The following CDH8 variants were observed in gnomAD, a reference collection of about 807,000 sequenced individuals.
CDH8 encodes the protein cadherin-8.
A neutral mutation model predicts 68.1 loss-of-function variants in CDH8; 17 were observed. That is an observed-to-expected ratio of 0.25 (90% confidence interval 0.17 to 0.37). CDH8 has a LOEUF of 0.37. Among genes scored for constraint, CDH8 ranks in the 10% least tolerant of loss-of-function variants. The probability of loss-of-function intolerance (pLI) is 1.00; values close to 1 mark genes in which losing one functional copy is unlikely to be tolerated. For missense variants in CDH8, 763 were observed against 999.3 expected, an observed-to-expected ratio of 0.76 and a Z score of 3.19; for synonymous variants, 372 against 365.1, an observed-to-expected ratio of 1.02 and a Z score of -0.21.
At chr16:61,992,925 A>G (rs1000869491) in intron 2 of CDH8, among the ~76,000 whole-genome samples, 1 of 152,024 alleles carries the variant, frequency 6.6e-6, no homozygotes, top group Non-Finnish European at 1.5e-5. Context: ...AGCTGGAACT[A>G]CAGGTGCAGG....
chr16:61,728,328 A>T (rs1313996557), intron 8 of CDH8, among the ~76,000 whole-genome samples: 1 of 150,706 alleles, frequency 6.6e-6, no homozygotes. Flanking sequence ...ACAGATTTAC[A>T]GTTGGTTTGC....
At chr16:61,779,374 T>C (rs887166427) in intron 8 of CDH8, among the ~76,000 whole-genome samples, 2 of 151,752 alleles carry the variant, frequency 1.3e-5, no homozygotes, top group Non-Finnish European at 2.9e-5. Context: ...CAACAATGCC[T>C]CATCTTTCTT....
chr16:61,972,574 GTGTGTGTGTGTGTGT>G (rs1965359376), intron 2 of CDH8, among the ~76,000 whole-genome samples: 1 of 107,284 alleles, frequency 9.3e-6, no homozygotes, highest in African/African-American at 6.6e-5. Context: ...CATTGTGGGT[GTGTGTGTGTGTGTGT>G]GTGTGTGTGT....
chr16:61,723,580 G>A (rs1445477724), intron 9 of CDH8, among the ~76,000 whole-genome samples: 3 of 150,690 alleles, frequency 2.0e-5, no homozygotes, highest in Non-Finnish European at 4.5e-5. Flanking sequence ...TTAATTAAAT[G>A]TTTGCCAGAG....
At chr16:61,661,664 AT>A (rs2142756195) in intron 10 of CDH8, among the ~76,000 whole-genome samples, 1 of 151,862 alleles carries the variant, frequency 6.6e-6, no homozygotes, top group South Asian at 2.1e-4. Context: ...CAATAACCTA[AT>A]TTTTCACCAT....
intron 3 of CDH8, among the ~76,000 whole-genome samples, chr16:61,897,804 A>T (rs1231291284): frequency 1.3e-5 from 2 of 152,212 alleles, no homozygotes; most frequent in Non-Finnish European, 2.9e-5. Context: ...ACCAAACAAT[A>T]TGAAAAAAAG....
rs568411693 is a variant in CDH8, at chr16:61,919,943, A to C, written c.253-18470T>G. Among the ~76,000 whole-genome samples the C allele has an allele frequency of 2.2e-4, 33 of 152,274 alleles. No individual in the cohort carries two copies. In the South Asian group the frequency reaches 4.8e-3, roughly 22 times the overall value. On this transcript the variant is annotated intron_variant, in intron 2 of 11. Coordinates refer to ENST00000577390, the MANE Select transcript of CDH8 (RefSeq NM_001796.5). ...AAACAGAACAGAGCCCTCAGAAATA[A>C]TGCCGCATATCTACAACTATCTGAT...
chr16:61,756,211 A>G (rs1169633794), intron 8 of CDH8, among the ~76,000 whole-genome samples: 2 of 152,072 alleles, frequency 1.3e-5, no homozygotes, highest in Non-Finnish European at 2.9e-5. Flanking sequence ...TATATAATAC[A>G]AGCAAGATTT....
chr16:61,950,094 ACAGT>A (rs1892942617), intron 2 of CDH8, among the ~76,000 whole-genome samples: 1 of 152,174 alleles, frequency 6.6e-6, no homozygotes, highest in Non-Finnish European at 1.5e-5. Context: ...TGAAATCAAG[ACAGT>A]CAGGGACCTA....
intron 3 of CDH8, among the ~76,000 whole-genome samples, chr16:61,899,555 G>A (rs1963930312): frequency 6.6e-6 from 1 of 151,966 alleles, no homozygotes; most frequent in Non-Finnish European, 1.5e-5. Context: ...GAGAACTAAT[G>A]GAGAAGGGTG....
At chr16:61,675,804 C>T (rs1339758617) in intron 10 of CDH8, among the ~76,000 whole-genome samples, 1 of 150,776 alleles carries the variant, frequency 6.6e-6, no homozygotes, top group Non-Finnish European at 1.5e-5. Flanking sequence ...TATTACATTG[C>T]TGTGTGAAGT....
intron 2 of CDH8, among the ~76,000 whole-genome samples, chr16:61,914,151 G>A (rs112350863): frequency 3.9e-5 from 6 of 152,250 alleles, no homozygotes; most frequent in African/African-American, 4.8e-5. Context: ...AAACCAAGGA[G>A]AGAAGTCTCG....
chr16:61,652,035 AAGT>A lies in CDH8; in HGVS notation c.*1570_*1572del. 1.2e-6 allele frequency: 1 copy of A among 867,032 alleles called. No homozygotes were observed. The highest frequency in any genetic ancestry group is 1.2e-4 in the East Asian group (1 of 8,252). The allele number at this position is 867,032 out of a possible 1,614,324, so 53.7% of individuals were successfully genotyped here. ...GGTATTTATAAAAATATATTTCACA[AAGT>A]AGGAAACAATACAGGAGTTTCTCTG... On this transcript the variant is annotated 3_prime_UTR_variant, in exon 12 of 12. Coordinates refer to ENST00000577390, the MANE Select transcript of CDH8 (RefSeq NM_001796.5).
Position 61,653,857 on chromosome 16 carries a change from A to T in CDH8, c.2151T>A (p.Asn717Lys), listed in dbSNP as rs1596832731. The T allele has an allele frequency of 6.2e-6, 10 of 1,614,186 alleles. No individual in the cohort carries two copies. Among genetic ancestry groups the T allele is most frequent in the Non-Finnish European group, 8.5e-6 (10 of 1,180,030 alleles). Residue 717 changes from asparagine (N) to lysine (K), a missense_variant, in exon 12 of 12, where the codon AAT (asparagine) becomes AAA (lysine). This residue lies in a region of CDH8 where 397 missense variants were observed against 436.2 expected (regional missense o/e 0.91). Coordinates refer to ENST00000577390, the MANE Select transcript of CDH8 (RefSeq NM_001796.5). ...MPRQGLAPVP[N>K]GVDVDEFINV... ...TTATAAATTCATCGACATCAACACC[A>T]TTTGGAACTGGAGCAAGCCCTTGCC... is the stretch of plus-strand genomic sequence containing the variant.
intron 3 of CDH8, among the ~76,000 whole-genome samples, chr16:61,859,886 C>T (rs1470167288): frequency 6.6e-6 from 1 of 152,110 alleles, no homozygotes; most frequent in African/African-American, 2.4e-5. Context: ...CTTGCTCTGT[C>T]GCCCAGGCTG....
chr16:61,904,791 C>T (rs569773329), intron 2 of CDH8, among the ~76,000 whole-genome samples: 3 of 152,134 alleles, frequency 2.0e-5, no homozygotes, highest in African/African-American at 7.2e-5. Flanking sequence ...AAACACAGAG[C>T]GGATACATGG....
At position 61,682,660 on chromosome 16, in the gene CDH8, T is replaced by C. The variant is rs9929049; in HGVS notation, c.1655-26939A>G. Among the ~76,000 whole-genome samples, 570 of 91,028 alleles carry C rather than the reference T, an allele frequency of 6.3e-3. 5 individuals carry two copies. Among genetic ancestry groups the C allele is most frequent in the African/African-American group, 0.041 (537 of 13,186 alleles). 59.7% of individuals were successfully genotyped at this position (91,028 alleles called of 152,430 possible). A position where few individuals can be genotyped will look rare whatever the true frequency, so the allele number is the denominator to read the frequency against. On this transcript the variant is annotated intron_variant, in intron 10 of 11. Coordinates refer to ENST00000577390, the MANE Select transcript of CDH8 (RefSeq NM_001796.5). Reference sequence around the variant, plus strand: ...AGCCCTCATTTTAAAGATAAAGAAGTTTAAGAAAAAAAAAAAACATGTGTT... The same window carrying C: ...AGCCCTCATTTTAAAGATAAAGAAGCTTAAGAAAAAAAAAAAACATGTGTT...
chr16:61,653,858 T>C lies in CDH8; in HGVS notation c.2150A>G (p.Asn717Ser). The C allele has an allele frequency of 7.4e-6, 12 of 1,614,220 alleles. No individual in the cohort carries two copies. The highest frequency in any genetic ancestry group is 1.0e-5 in the Non-Finnish European group (12 of 1,180,048). Reference protein sequence around the residue: ...MPRQGLAPVPNGVDVDEFINV... With the variant: ...MPRQGLAPVPSGVDVDEFINV... ...TATAAATTCATCGACATCAACACCATTTGGAACTGGAGCAAGCCCTTGCCT... is the reference window on the plus strand; with the variant it reads ...TATAAATTCATCGACATCAACACCACTTGGAACTGGAGCAAGCCCTTGCCT... Residue 717 changes from asparagine to serine, a missense_variant, in exon 12 of 12, where the codon AAT becomes AGT. This residue lies in a region of CDH8 where 397 missense variants were observed against 436.2 expected (regional missense o/e 0.91). Coordinates refer to ENST00000577390, the MANE Select transcript of CDH8 (RefSeq NM_001796.5).
At chr16:61,715,744 C>T (rs887621948) in intron 9 of CDH8, among the ~76,000 whole-genome samples, 17 of 151,458 alleles carry the variant, frequency 1.1e-4, no homozygotes, top group African/African-American at 3.9e-4. Context: ...GAGAGAGGCC[C>T]TAGGGTACTT....
Sources: gnomAD v4.1 joint callset for allele counts (sites outside exome capture counted in the v4.1 genomes callset) on GRCh38, gnomAD v4.1.1 for gene constraint, gnomAD v4.1.1 regional missense constraint, MANE v1.5 for transcripts, NCBI Gene and HGNC (gene_info 2026-07-23, HGNC 2026-07-21) for gene names.